The following TOP6BL variants were observed in gnomAD, a reference collection of about 807,000 sequenced individuals.
The protein encoded by TOP6BL is TOP6B like initiator of meiotic double strand breaks.
chr11:66,814,099 T>C, the TOP6BL span: 1 of 1,390,354 alleles, frequency 7.2e-7, no homozygotes, highest in Non-Finnish European at 9.8e-7. Context: ...AGAACGTGTG[T>C]ATAAAAATAT....
the TOP6BL span, among the ~76,000 whole-genome samples, chr11:66,760,916 G>C: frequency 6.6e-6 from 1 of 150,566 alleles, no homozygotes; most frequent in Non-Finnish European, 1.5e-5. Context: ...AATTTTCTTC[G>C]TGCTTTGTAA....
the TOP6BL span, chr11:66,813,820 A>C: frequency 1.3e-6 from 2 of 1,554,552 alleles, no homozygotes; most frequent in Admixed American, 1.7e-5. Context: ...GTGAATACAT[A>C]GTCATAAGAT....
the TOP6BL span, among the ~76,000 whole-genome samples, chr11:66,783,872 C>T: frequency 3.3e-5 from 5 of 152,262 alleles, no homozygotes; most frequent in African/African-American, 1.2e-4. Flanking sequence ...GTCACCCAGG[C>T]AGGAGTGCAG....
At chr11:66,821,061 T>C in the TOP6BL span, among the ~76,000 whole-genome samples, 1 of 152,166 alleles carries the variant, frequency 6.6e-6, no homozygotes, top group Admixed American at 6.5e-5. Context: ...CCTTGGATAA[T>C]GCAAGCCTGA....
At chr11:66,764,365 G>A in the TOP6BL span, among the ~76,000 whole-genome samples, 1 of 151,862 alleles carries the variant, frequency 6.6e-6, no homozygotes, top group South Asian at 2.1e-4. Context: ...TGAAAGAAGT[G>A]AAAATCGGCC....
the TOP6BL span, among the ~76,000 whole-genome samples, chr11:66,840,267 C>T: frequency 6.6e-6 from 1 of 152,144 alleles, no homozygotes; most frequent in African/African-American, 2.4e-5. Flanking sequence ...GTGGCTACTC[C>T]ATTCTTTAAA....
chr11:66,768,145 G>C, the TOP6BL span, among the ~76,000 whole-genome samples: 2 of 152,118 alleles, frequency 1.3e-5, no homozygotes, highest in African/African-American at 2.4e-5. Flanking sequence ...GGGAAAGAAA[G>C]TGAGGAGTGG....
At chr11:66,744,928 G>A in the TOP6BL span, 22 of 1,253,274 alleles carry the variant, frequency 1.8e-5, no homozygotes, top group South Asian at 7.3e-4. Context: ...AGGTGATGCT[G>A]GGAAGGGAGA....
At chr11:66,790,870 T>TG in the TOP6BL span, among the ~76,000 whole-genome samples, 1 of 152,200 alleles carries the variant, frequency 6.6e-6, no homozygotes, top group African/African-American at 2.4e-5. Flanking sequence ...TGACAGCATT[T>TG]GGCATACAGA....
chr11:66,798,911 AAAATAC>A, the TOP6BL span, among the ~76,000 whole-genome samples: 21 of 152,012 alleles, frequency 1.4e-4, no homozygotes, highest in Non-Finnish European at 2.6e-4. Context: ...GTCTCTACTA[AAAATAC>A]AAATATTGGC....
At chr11:66,768,835 AC>A in the TOP6BL span, among the ~76,000 whole-genome samples, 1 of 152,194 alleles carries the variant, frequency 6.6e-6, no homozygotes, top group African/African-American at 2.4e-5. Flanking sequence ...TTCCTTTTGA[AC>A]TTGGATAGAT....
chr11:66,764,359 A>G, the TOP6BL span, among the ~76,000 whole-genome samples: 1 of 152,080 alleles, frequency 6.6e-6, no homozygotes, highest in Non-Finnish European at 1.5e-5. Flanking sequence ...TTGCTTTGAA[A>G]GAAGTGAAAA....
At chr11:66,843,261 C>G in the TOP6BL span, 1 of 1,605,724 alleles carries the variant, frequency 6.2e-7, no homozygotes, top group Non-Finnish European at 8.5e-7. Flanking sequence ...CAAGCGCCCA[C>G]CGATCCGGAG....
the TOP6BL span, among the ~76,000 whole-genome samples, chr11:66,767,127 T>G: frequency 6.6e-6 from 1 of 152,210 alleles, no homozygotes; most frequent in Non-Finnish European, 1.5e-5. Flanking sequence ...AGACCAGAGT[T>G]AAGGCCTTCT....
At chr11:66,787,685 A>T in the TOP6BL span, among the ~76,000 whole-genome samples, 1 of 149,220 alleles carries the variant, frequency 6.7e-6, no homozygotes, top group East Asian at 2.0e-4. Context: ...GCGCCATTGC[A>T]CTCCAGCCTG....
chr11:66,785,271 T>G, the TOP6BL span, among the ~76,000 whole-genome samples: 1 of 152,152 alleles, frequency 6.6e-6, no homozygotes, highest in South Asian at 2.1e-4. Context: ...TTTCCAAGAT[T>G]TCTAATACCC....
the TOP6BL span, among the ~76,000 whole-genome samples, chr11:66,748,955 C>T: frequency 1.3e-5 from 2 of 150,464 alleles, no homozygotes; most frequent in East Asian, 3.9e-4. Context: ...GGCTTTCATG[C>T]TTTTATCATT....
the TOP6BL span, among the ~76,000 whole-genome samples, chr11:66,816,481 A>G: frequency 4.1e-4 from 62 of 152,206 alleles, no homozygotes; most frequent in Non-Finnish European, 5.7e-4. Context: ...CGCACAATAT[A>G]TTACCTGGAG....
At chr11:66,822,635 T>C in the TOP6BL span, 1 of 1,552,126 alleles carries the variant, frequency 6.4e-7, no homozygotes, top group East Asian at 2.4e-5. Context: ...CTGGAAGCAC[T>C]AGGAGCAGCT....
Sources: gnomAD v4.1 joint callset for allele counts (sites outside exome capture counted in the v4.1 genomes callset) on GRCh38, gnomAD v4.1.1 for gene constraint, MANE v1.5 for transcripts, NCBI Gene and HGNC (gene_info 2026-07-23, HGNC 2026-07-21) for gene names.